The following DIP2A variants were observed in gnomAD, a reference collection of about 807,000 sequenced individuals.
The protein encoded by DIP2A is DIP2 acetate--CoA ligase A, also known as disco-interacting protein 2 homolog A.
In DIP2A, 85 loss-of-function variants were observed where a neutral mutation model predicts 177.4. The observed-to-expected ratio is 0.48, with a 90% CI of 0.40 to 0.57. The LOEUF (loss-of-function observed/expected upper bound fraction) is 0.57. Among genes scored for constraint, DIP2A ranks in the 20% least tolerant of loss-of-function variants. DIP2A has a pLI of 0.00. For synonymous variants in DIP2A, 886 were observed against 881.8 expected (o/e 1.00, Z -0.08); for missense variants, 1,791 against 2,100.2 (o/e 0.85, Z 2.88).
intron 6 of DIP2A, among the ~76,000 whole-genome samples, chr21:46,508,428 G>A (rs1448672148): frequency 1.4e-5 from 2 of 140,314 alleles, no homozygotes; most frequent in Admixed American, 7.6e-5. Context: ...GCGCAATCTC[G>A]GCTCACTGCA....
chr21:46,539,778 C>T (rs943267632), intron 16 of DIP2A, 99 bp from the exon 17 acceptor site: 9 of 981,488 alleles, frequency 9.2e-6, no homozygotes, highest in Middle Eastern at 2.2e-4. Context: ...CCTGTGGTTC[C>T]GATGGCCGCA....
chr21:46,513,783 A>G (rs2058420820), intron 8 of DIP2A, among the ~76,000 whole-genome samples: 3 of 152,078 alleles, frequency 2.0e-5, no homozygotes, highest in South Asian at 4.1e-4. Flanking sequence ...AGCATTTTGG[A>G]TTTCTGATTT....
At position 46,498,533 on chromosome 21, in the gene DIP2A, C is replaced by T. The variant is rs200635378; in HGVS notation, c.404-49C>T. 185 of 1,563,410 alleles carry T rather than the reference C, an allele frequency of 1.2e-4. 1 individual carries two copies. The highest frequency in any genetic ancestry group is 1.7e-5 in the Non-Finnish European group (20 of 1,154,248). On this transcript the variant is annotated intron_variant, in intron 4 of 37. Transcript: ENST00000417564. The surrounding 1 kb of genome is among the most constrained non-coding windows in gnomAD (Gnocchi z 4.3). ...CAGTGTGAGTGGGAACTCCGTCCTC[C>T]TCTTGACTCATCCCGATATCATGCC... is the stretch of plus-strand genomic sequence containing the variant.
At chr21:46,459,257 G>A in intron 1 of DIP2A, 35 bp downstream of exon 1, 3 of 1,395,118 alleles carry the variant, frequency 2.2e-6, no homozygotes, top group Non-Finnish European at 2.8e-6. Context: ...CCCGCGACCC[G>A]CCCTCAGCCC....
chr21:46,549,722 T>C, intron 21 of DIP2A, 49 bp from the exon 22 acceptor site: 1 of 1,606,648 alleles, frequency 6.2e-7, no homozygotes, highest in Non-Finnish European at 8.5e-7. Context: ...TGCATCTGTG[T>C]CTTGTTTGGC....
chr21:46,516,951 C>T (rs1386211593), intron 8 of DIP2A, among the ~76,000 whole-genome samples: 1 of 151,926 alleles, frequency 6.6e-6, no homozygotes, highest in Non-Finnish European at 1.5e-5. Context: ...GCTTCTGCTG[C>T]CTTGAATACA....
At chr21:46,552,164 T>C (rs1290739889) in intron 25 of DIP2A, among the ~76,000 whole-genome samples, 1 of 152,236 alleles carries the variant, frequency 6.6e-6, no homozygotes, top group East Asian at 1.9e-4. Flanking sequence ...AGTATTTCTA[T>C]TGATTTTGTG....
At chr21:46,507,326 C>T (rs966405575) in intron 6 of DIP2A, among the ~76,000 whole-genome samples, 4 of 152,088 alleles carry the variant, frequency 2.6e-5, no homozygotes, top group African/African-American at 9.7e-5. Context: ...TATTTTCTTC[C>T]AGAATTTTAT....
chr21:46,583,246 A>C, the DIP2A span, among the ~76,000 whole-genome samples: 2 of 152,336 alleles, frequency 1.3e-5, no homozygotes, highest in African/African-American at 2.4e-5. Flanking sequence ...TACACAAAGC[A>C]CACAACTGAC....
intron 18 of DIP2A, among the ~76,000 whole-genome samples, chr21:46,543,460 A>G (rs953086556): frequency 1.3e-5 from 2 of 150,660 alleles, no homozygotes; most frequent in African/African-American, 4.9e-5. Flanking sequence ...ACAGCGCTCC[A>G]CCAGACGTGC....
At chr21:46,464,660 A>T (rs2054632913) in intron 1 of DIP2A, among the ~76,000 whole-genome samples, 1 of 152,092 alleles carries the variant, frequency 6.6e-6, no homozygotes, top group Non-Finnish European at 1.5e-5. Flanking sequence ...CGAGAGAGGA[A>T]GGGGGCCAAA....
chr21:46,526,020 T>G (rs923826763), intron 8 of DIP2A, among the ~76,000 whole-genome samples: 1 of 151,838 alleles, frequency 6.6e-6, no homozygotes, highest in African/African-American at 2.4e-5. Flanking sequence ...GTGATTCTTC[T>G]GCCTCAGTCT....
chr21:46,567,331 G>A (rs908126662), intron 37 of DIP2A, 39 bp from the exon 38 acceptor site: 26 of 1,589,482 alleles, frequency 1.6e-5, no homozygotes, highest in Admixed American at 1.2e-4. Flanking sequence ...TGTGACCTGT[G>A]CCTGTATCCA....
intron 1 of DIP2A, among the ~76,000 whole-genome samples, chr21:46,476,575 A>G (rs2055864855): frequency 1.3e-5 from 2 of 152,170 alleles, no homozygotes; most frequent in African/African-American, 2.4e-5. Flanking sequence ...TGTGTGCTCA[A>G]TATAGAGGAA....
At chr21:46,571,829 A>G (rs998351273), downstream of DIP2A, among the ~76,000 whole-genome samples, 6 of 152,232 alleles carry the variant, frequency 3.9e-5, no homozygotes, top group East Asian at 1.2e-3. Context: ...TAAATATACA[A>G]TCATGTCATC....
At chr21:46,497,156 GCCTGATGTTATC>G in intron 4 of DIP2A, 49 bp downstream of exon 4, 1 of 1,586,890 alleles carries the variant, frequency 6.3e-7, no homozygotes, top group Non-Finnish European at 8.6e-7. Flanking sequence ...TGTTTCACAG[GCCTGATGTTATC>G]CTATTTACTT....
At chr21:46,503,571 T>TTCCTTCCTTCCTTCCTTCCTTC (rs2057778973) in intron 5 of DIP2A, among the ~76,000 whole-genome samples, 3 of 83,760 alleles carry the variant, frequency 3.6e-5, no homozygotes, top group Admixed American at 1.4e-4. Flanking sequence ...TGAGGGAATT[T>TTCCTTCCTTCCTTCCTTCCTTC]CTTCCTTCCT....
rs373066727 is a variant in DIP2A, at chr21:46,567,554, C to T, written c.4648C>T (p.Arg1550Cys). 10 of 1,613,546 alleles carry T rather than the reference C, an allele frequency of 6.2e-6. No homozygotes were observed. The highest frequency in any genetic ancestry group is 2.7e-5 in the African/African-American group (2 of 74,902). ...TATCAACTCTCGGGGTGAGAAGCAG[C>T]GCATGCACCTGCGGGACGGCTTCCT... ...IPINSRGEKQ[R>C]MHLRDGFLAD... The change falls in exon 38 of 38, where the codon CGC becomes TGC. Residue 1550 changes from arginine (R) to cysteine (C), a missense_variant. Arg to Cys is a radical substitution (Grantham distance 180, BLOSUM62 -3). Coordinates refer to ENST00000417564, the MANE Select transcript of DIP2A (RefSeq NM_015151.4).
chr21:46,539,395 CTCTCAT>C (rs1296176550), intron 16 of DIP2A: 1 of 202,142 alleles, frequency 4.9e-6, no homozygotes, highest in Non-Finnish European at 1.0e-5. Context: ...CCCCCAGAGC[CTCTCAT>C]TCTCTTGGTC....
Sources: gnomAD v4.1 joint callset for allele counts (sites outside exome capture counted in the v4.1 genomes callset) on GRCh38, gnomAD v4.1.1 for gene constraint, Gnocchi (gnomAD v3.1) non-coding constraint, MANE v1.5 for transcripts, NCBI Gene and HGNC (gene_info 2026-07-23, HGNC 2026-07-21) for gene names.